RUNDC3B: variants seen among roughly 807,000 people sequenced by gnomAD.
RUNDC3B encodes the protein RUN domain containing 3B.
RUNDC3B carries 33 observed loss-of-function variants against 58.4 expected under a neutral mutation model. The observed-to-expected ratio is 0.56, with a 90% CI of 0.43 to 0.75. The LOEUF is 0.75. RUNDC3B is among the 30% of genes least tolerant of loss of function. RUNDC3B has a pLI of 0.00. For synonymous variants in RUNDC3B, 193 were observed against 195.2 expected (o/e 0.99, Z 0.10); for missense variants, 501 against 535.7 (o/e 0.94, Z 0.64).
In RUNDC3B at chr7:87,823,823, CAT is replaced by C. The variant is rs140928571; in HGVS notation, c.1226-6052_1226-6051del. Among the ~76,000 whole-genome samples the C allele has an allele frequency of 4.6e-3, 679 of 146,880 alleles. 19 individuals are homozygous for C. The East Asian group carries it at 0.078, about 17-fold the overall frequency. On this transcript the variant is annotated intron_variant, in intron 10 of 10. Transcript: ENST00000394654. ...ACACACACACACACACACACACACA[CAT>C]ATATATATACACACTCACCTACATA... is the stretch of plus-strand genomic sequence containing the variant.
chr7:87,714,180 C>A (rs1334732544), intron 4 of RUNDC3B, among the ~76,000 whole-genome samples: 2 of 152,140 alleles, frequency 1.3e-5, no homozygotes, highest in Non-Finnish European at 2.9e-5. Flanking sequence ...TGGCCAGCAG[C>A]CTGCAATGCA....
At chr7:87,794,342 G>A (rs541330133) in intron 8 of RUNDC3B, among the ~76,000 whole-genome samples, 5 of 152,272 alleles carry the variant, frequency 3.3e-5, no homozygotes, top group African/African-American at 1.2e-4. Flanking sequence ...GGCTGAAGCA[G>A]GAGAATTGCT....
intron 2 of RUNDC3B, among the ~76,000 whole-genome samples, chr7:87,690,647 G>A (rs967330120): frequency 2.6e-5 from 4 of 152,018 alleles, no homozygotes; most frequent in African/African-American, 9.7e-5. Context: ...TTTATCTGTT[G>A]CTTCGCTGAA....
intron 1 of RUNDC3B, among the ~76,000 whole-genome samples, chr7:87,638,780 G>A (rs556633357): frequency 7.0e-4 from 106 of 151,928 alleles, no homozygotes; most frequent in African/African-American, 2.3e-3. Flanking sequence ...AAGAACCAGC[G>A]TTTGACTTTG....
chr7:87,756,012 T>C (rs1362967501), intron 6 of RUNDC3B, among the ~76,000 whole-genome samples: 2 of 152,152 alleles, frequency 1.3e-5, no homozygotes, highest in East Asian at 3.8e-4. Flanking sequence ...GATAGGAGAC[T>C]TATTTTTCAT....
At chr7:87,657,746 C>A (rs1824258932) in intron 2 of RUNDC3B, among the ~76,000 whole-genome samples, 10 of 152,090 alleles carry the variant, frequency 6.6e-5, no homozygotes, top group Admixed American at 6.6e-4. Context: ...AAGGAGGCCA[C>A]CCCAAGTACC....
chr7:87,703,706 A>G (rs1418223450), intron 3 of RUNDC3B, among the ~76,000 whole-genome samples: 3 of 151,698 alleles, frequency 2.0e-5, no homozygotes, highest in Non-Finnish European at 4.4e-5. Flanking sequence ...TTTAAATCCT[A>G]TTGTTATTAC....
At chr7:87,693,975 A>G in intron 2 of RUNDC3B, 1 of 1,611,040 alleles carries the variant, frequency 6.2e-7, no homozygotes, top group Middle Eastern at 1.7e-4. Context: ...TATGCTGGTG[A>G]TGTCTCCCGC....
intron 8 of RUNDC3B, among the ~76,000 whole-genome samples, chr7:87,806,361 C>G (rs1391640181): frequency 2.6e-5 from 4 of 152,114 alleles, no homozygotes; most frequent in African/African-American, 7.2e-5. Flanking sequence ...ACTGACTCAC[C>G]TCTCTGTTAC....
intron 6 of RUNDC3B, among the ~76,000 whole-genome samples, chr7:87,754,865 G>C (rs2130841013): frequency 6.9e-6 from 1 of 143,946 alleles, no homozygotes; most frequent in South Asian, 2.2e-4. Context: ...TCCCAAGACT[G>C]AAGCAGGAAG....
At chr7:87,727,771 A>T (rs1831326281) in intron 4 of RUNDC3B, among the ~76,000 whole-genome samples, 1 of 152,192 alleles carries the variant, frequency 6.6e-6, no homozygotes, top group Non-Finnish European at 1.5e-5. Flanking sequence ...TCCTTAAAAG[A>T]ATATGACACT....
At chr7:87,825,679 G>C (rs1375279177) in intron 10 of RUNDC3B, among the ~76,000 whole-genome samples, 1 of 152,188 alleles carries the variant, frequency 6.6e-6, no homozygotes, top group African/African-American at 2.4e-5. Flanking sequence ...GCACCAGCCT[G>C]TGAAGGCAGC....
intron 10 of RUNDC3B, among the ~76,000 whole-genome samples, chr7:87,821,878 A>G (rs1289895328): frequency 6.6e-6 from 1 of 152,220 alleles, no homozygotes; most frequent in Non-Finnish European, 1.5e-5. Context: ...TACACCTTAT[A>G]CAAAAATTAA....
intron 6 of RUNDC3B, among the ~76,000 whole-genome samples, chr7:87,741,951 A>AT (rs1287007535): frequency 6.6e-6 from 1 of 152,222 alleles, no homozygotes; most frequent in Non-Finnish European, 1.5e-5. Flanking sequence ...GATAAATAAC[A>AT]TTTTATGCAT....
chr7:87,649,207 T>C (rs978899079), intron 1 of RUNDC3B, among the ~76,000 whole-genome samples: 2 of 151,966 alleles, frequency 1.3e-5, no homozygotes, highest in African/African-American at 4.8e-5. Context: ...ATAGTGGTTA[T>C]ATGAATCTAC....
At chr7:87,819,048 A>G (rs770089154) in intron 10 of RUNDC3B, among the ~76,000 whole-genome samples, 1 of 152,208 alleles carries the variant, frequency 6.6e-6, no homozygotes, top group Non-Finnish European at 1.5e-5. Flanking sequence ...CGACAGATGC[A>G]TAAAGTACAC....
At chr7:87,695,037 C>G (rs958893702) in intron 2 of RUNDC3B, among the ~76,000 whole-genome samples, 1 of 151,970 alleles carries the variant, frequency 6.6e-6, no homozygotes, top group Non-Finnish European at 1.5e-5. Context: ...ATTCTTAGTG[C>G]CTAAATGATA....
chr7:87,666,957 C>A (rs1825316216), intron 2 of RUNDC3B, among the ~76,000 whole-genome samples: 2 of 151,792 alleles, frequency 1.3e-5, no homozygotes, highest in Non-Finnish European at 2.9e-5. Flanking sequence ...CTTAGGATTG[C>A]TTCTGGTTAT....
At chr7:87,827,444 GC>G (rs1837879051) in intron 10 of RUNDC3B, among the ~76,000 whole-genome samples, 1 of 152,050 alleles carries the variant, frequency 6.6e-6, no homozygotes, top group South Asian at 2.1e-4. Flanking sequence ...CTGAGACTGC[GC>G]CACTGCACTC....
Sources: gnomAD v4.1 joint callset for allele counts (sites outside exome capture counted in the v4.1 genomes callset) on GRCh38, gnomAD v4.1.1 for gene constraint, MANE v1.5 for transcripts, NCBI Gene and HGNC (gene_info 2026-07-23, HGNC 2026-07-21) for gene names.